Variants in RAB6A observed in about 807,000 individuals in gnomAD.
RAB6A encodes the protein RAB6A, member RAS oncogene family.
In RAB6A, 8 loss-of-function variants were observed where a neutral mutation model predicts 32.3. That is an observed-to-expected ratio of 0.25 (90% confidence interval 0.15 to 0.45). The LOEUF is 0.45. Among genes scored for constraint, RAB6A ranks in the 20% least tolerant of loss-of-function variants. The pLI, the probability that RAB6A is intolerant of heterozygous loss-of-function variation, is 1.00. For synonymous variants in RAB6A, 73 were observed against 82.1 expected (o/e 0.89, Z 0.60); for missense variants, 104 against 249.4 (o/e 0.42, Z 3.93).
chr11:73,708,202 CTT>C lies in RAB6A; in HGVS notation c.402-691_402-690del, dbSNP rs537412918. 7.1e-4 allele frequency among the ~76,000 whole-genome samples: 108 copies of C among 152,188 alleles called. 1 individual carries two copies. The highest frequency in any genetic ancestry group is 3.4e-3 in the Middle Eastern group (1 of 294). On this transcript the variant is annotated intron_variant, in intron 5 of 7. Coordinates refer to ENST00000336083, the MANE Select transcript of RAB6A (RefSeq NM_198896.2). ...TTCTTTTTTTTGAGACAGTTTTGCTCTTGTCACCCAGGCTGGAGTGCAATGGC... is the reference window on the plus strand; with the variant it reads ...TTCTTTTTTTTGAGACAGTTTTGCTCGTCACCCAGGCTGGAGTGCAATGGC...
intron 6 of RAB6A, among the ~76,000 whole-genome samples, chr11:73,689,813 C>CTT (rs1199760536): frequency 1.1e-4 from 17 of 150,160 alleles, no homozygotes; most frequent in African/African-American, 3.9e-4. Context: ...CTCAGAATCT[C>CTT]GACTGTGCCT....
intron 1 of RAB6A, among the ~76,000 whole-genome samples, chr11:73,753,606 G>C (rs1175600720): frequency 6.6e-6 from 1 of 152,016 alleles, no homozygotes; most frequent in African/African-American, 2.4e-5. Context: ...AGCTACTCCG[G>C]AGGCTGAGGC....
intron 1 of RAB6A, among the ~76,000 whole-genome samples, chr11:73,750,306 T>C (rs1321793786): frequency 6.6e-6 from 1 of 152,066 alleles, no homozygotes; most frequent in Non-Finnish European, 1.5e-5. Context: ...CATAACGTCC[T>C]CAAAGTTCAT....
At chr11:73,757,537 T>C (rs746922577) in intron 1 of RAB6A, among the ~76,000 whole-genome samples, 5 of 152,104 alleles carry the variant, frequency 3.3e-5, no homozygotes, top group South Asian at 2.1e-4. Flanking sequence ...GAGCACATCA[T>C]TGGTATAATT....
At chr11:73,739,284 A>AAATATATATAT (rs1208877325) in intron 1 of RAB6A, among the ~76,000 whole-genome samples, 11 of 6,756 alleles carry the variant, frequency 1.6e-3, no homozygotes, top group African/African-American at 2.6e-3. Context: ...AAAAAAAAAA[A>AAATATATATAT]ATATATATAT....
At chr11:73,748,371 A>G (rs1946623288) in intron 1 of RAB6A, among the ~76,000 whole-genome samples, 1 of 152,204 alleles carries the variant, frequency 6.6e-6, no homozygotes, top group African/African-American at 2.4e-5. Context: ...TTCCTCTTTG[A>G]GCAGCCATAG....
At chr11:73,712,914 C>T (rs543864555) in intron 5 of RAB6A, among the ~76,000 whole-genome samples, 19 of 152,010 alleles carry the variant, frequency 1.2e-4, no homozygotes, top group Non-Finnish European at 2.2e-4. Flanking sequence ...GACAGGGTTT[C>T]GCTATGTTGG....
chr11:73,749,600 T>C (rs1236789529), intron 1 of RAB6A, among the ~76,000 whole-genome samples: 1 of 152,152 alleles, frequency 6.6e-6, no homozygotes, highest in Non-Finnish European at 1.5e-5. Flanking sequence ...TCTCAGCCTT[T>C]TGGGAGGCCG....
intron 2 of RAB6A, chr11:73,722,599 C>T (rs1300532080): frequency 1.6e-5 from 2 of 126,538 alleles, no homozygotes; most frequent in Admixed American, 1.8e-4. Flanking sequence ...CCTTCCAACA[C>T]GCTGGGACTA....
chr11:73,726,025 A>G (rs984409490), intron 2 of RAB6A, among the ~76,000 whole-genome samples: 3 of 152,018 alleles, frequency 2.0e-5, no homozygotes, highest in African/African-American at 7.2e-5. Flanking sequence ...GGTGGCTCAC[A>G]TCTGTAATCC....
At chr11:73,705,180 T>TA (rs1047522190) in intron 6 of RAB6A, among the ~76,000 whole-genome samples, 4 of 152,130 alleles carry the variant, frequency 2.6e-5, no homozygotes, top group Admixed American at 1.3e-4. Context: ...CTTCTTTAGC[T>TA]ATTAACCAGG....
intron 6 of RAB6A, among the ~76,000 whole-genome samples, chr11:73,684,640 A>G (rs1362030185): frequency 6.6e-6 from 1 of 152,202 alleles, no homozygotes; most frequent in Non-Finnish European, 1.5e-5. Context: ...GTACACCTGT[A>G]TGCAGTTTTG....
intron 1 of RAB6A, among the ~76,000 whole-genome samples, chr11:73,739,027 G>T (rs1299846729): frequency 1.3e-5 from 2 of 151,020 alleles, no homozygotes; most frequent in Non-Finnish European, 2.9e-5. Flanking sequence ...CAGCACTTTG[G>T]GAGGCTGAGG....
At position 73,686,057 on chromosome 11, in the gene RAB6A, C is replaced by G. The variant is rs527501082; in HGVS notation, c.496-6337G>C. On this transcript the variant is annotated intron_variant, in intron 6 of 7. Coordinates refer to ENST00000336083, the MANE Select transcript of RAB6A (RefSeq NM_198896.2). The stretch of plus-strand genomic sequence containing the variant: ...GAACAAAACACCCACAGGCTCAATT[C>G]TGCTTTAAAAAGGAACTATAAAAAA... Among the ~76,000 whole-genome samples, 11 of 152,158 alleles carry G rather than the reference C, an allele frequency of 7.2e-5. 1 individual carries two copies. The South Asian group carries it at 1.2e-3, about 17-fold the overall frequency.
intron 1 of RAB6A, among the ~76,000 whole-genome samples, chr11:73,746,744 T>G (rs1306853405): frequency 1.3e-5 from 2 of 149,310 alleles, no homozygotes; most frequent in Non-Finnish European, 1.5e-5. Context: ...CAGGGAGACG[T>G]AGCAAAACTC....
At chr11:73,728,151 T>A (rs1452452380) in intron 2 of RAB6A, among the ~76,000 whole-genome samples, 2 of 152,228 alleles carry the variant, frequency 1.3e-5, no homozygotes, top group Non-Finnish European at 2.9e-5. Flanking sequence ...CTCTTAAGAT[T>A]ACTAATTTAT....
chr11:73,714,910 G>A (rs1455286946), intron 5 of RAB6A, among the ~76,000 whole-genome samples: 1 of 152,018 alleles, frequency 6.6e-6, no homozygotes, highest in African/African-American at 2.4e-5. Context: ...AGGTTGTAAT[G>A]AGCTGAGATC....
At chr11:73,684,025 T>C (rs1413717120) in intron 6 of RAB6A, among the ~76,000 whole-genome samples, 3 of 152,244 alleles carry the variant, frequency 2.0e-5, no homozygotes, top group Non-Finnish European at 4.4e-5. Flanking sequence ...CAGCAACTAC[T>C]ACCCTCATCG....
At chr11:73,703,545 C>A (rs1434563516) in intron 6 of RAB6A, among the ~76,000 whole-genome samples, 1 of 151,472 alleles carries the variant, frequency 6.6e-6, no homozygotes, top group Non-Finnish European at 1.5e-5. Flanking sequence ...AGTTTCAGAC[C>A]AGCCTGGCCA....
Sources: allele counts gnomAD v4.1 joint callset (sites outside exome capture counted in the v4.1 genomes callset), GRCh38; gene constraint gnomAD v4.1.1; transcripts MANE v1.5; gene names NCBI Gene and HGNC (gene_info 2026-07-23, HGNC 2026-07-21).